INSL6: variants seen among roughly 807,000 people sequenced by gnomAD.
INSL6 encodes the protein insulin like 6, also known as insulin-like peptide INSL6.
Under a neutral mutation model 9.4 loss-of-function variants are expected in INSL6, and 16 were observed. The observed-to-expected ratio is 1.70, with a 90% CI of 1.15 to 2.59. The LOEUF is 2.59. Ranked by LOEUF, INSL6 falls within the 30% of genes most tolerant of loss-of-function variation. INSL6 has a pLI of 0.00. For synonymous variants in INSL6, 154 were observed against 96.9 expected (o/e 1.59, Z -3.46); for missense variants, 391 against 257.3 (o/e 1.52, Z -3.56).
At chr9:5,116,571 C>G in the INSL6 span, among the ~76,000 whole-genome samples, 2 of 152,066 alleles carry the variant, frequency 1.3e-5, no homozygotes, top group Non-Finnish European at 2.9e-5. Context: ...ATAAAATTAG[C>G]TGGCAATCAA....
chr9:5,037,337 C>T, the INSL6 span, among the ~76,000 whole-genome samples: 2 of 152,118 alleles, frequency 1.3e-5, no homozygotes, highest in South Asian at 4.1e-4. Flanking sequence ...TACCATTTGA[C>T]CCAGCCATCC....
At chr9:5,075,952 A>G in the INSL6 span, among the ~76,000 whole-genome samples, 1 of 152,144 alleles carries the variant, frequency 6.6e-6, no homozygotes, top group Non-Finnish European at 1.5e-5. Flanking sequence ...AGGAATTTGG[A>G]AAAAGTTCAT....
At chr9:5,004,186 T>G in the INSL6 span, among the ~76,000 whole-genome samples, 2 of 152,192 alleles carry the variant, frequency 1.3e-5, no homozygotes, top group African/African-American at 2.4e-5. Context: ...ATACGATATA[T>G]TGTTATTGGT....
chr9:5,024,481 T>C, the INSL6 span, among the ~76,000 whole-genome samples: 1 of 152,132 alleles, frequency 6.6e-6, no homozygotes, highest in African/African-American at 2.4e-5. Flanking sequence ...CTTCCCTTCC[T>C]GCTTGTGCTG....
At chr9:5,078,362 A>G in the INSL6 span, 2 of 1,612,766 alleles carry the variant, frequency 1.2e-6, no homozygotes, top group South Asian at 2.2e-5. Context: ...TGCTTATCAG[A>G]GAAGAAGACA....
chr9:5,160,462 A>G (rs1254557988), downstream of INSL6, among the ~76,000 whole-genome samples: 1 of 152,190 alleles, frequency 6.6e-6, no homozygotes, highest in Admixed American at 6.5e-5. Context: ...CTGAGAGAGA[A>G]GAATGTAGCT....
chr9:5,024,940 G>A, the INSL6 span, among the ~76,000 whole-genome samples: 15 of 152,164 alleles, frequency 9.9e-5, no homozygotes, highest in Non-Finnish European at 1.5e-5. Flanking sequence ...TCAAGACTTT[G>A]CTTAACTAGG....
chr9:5,037,361 A>G, the INSL6 span, among the ~76,000 whole-genome samples: 1 of 152,236 alleles, frequency 6.6e-6, no homozygotes, highest in Non-Finnish European at 1.5e-5. Context: ...TACTGGGTAT[A>G]TACCCAAAGG....
chr9:5,088,241 G>A, the INSL6 span, among the ~76,000 whole-genome samples: 1 of 152,056 alleles, frequency 6.6e-6, no homozygotes, highest in African/African-American at 2.4e-5. Flanking sequence ...AGAGTCCTGG[G>A]TCTATCCACC....
chr9:5,107,229 C>T, the INSL6 span, among the ~76,000 whole-genome samples: 1 of 152,086 alleles, frequency 6.6e-6, no homozygotes, highest in African/African-American at 2.4e-5. Flanking sequence ...TATTAAATAA[C>T]CTGACACTAG....
chr9:5,004,270 A>C, the INSL6 span, among the ~76,000 whole-genome samples: 1 of 152,002 alleles, frequency 6.6e-6, no homozygotes, highest in Non-Finnish European at 1.5e-5. Context: ...CCTTTGACCA[A>C]CGTCTCCCAT....
rs181952922 is a variant in INSL6 at position 5,126,137 on chromosome 9, T to C, written c.*11-1626A>G. ...ATTTGTGTTGAGTTTATTACAGCTATGGAAATGGAAATTATAGAAGTTCCA... is the reference window on the plus strand; with the variant it reads ...ATTTGTGTTGAGTTTATTACAGCTACGGAAATGGAAATTATAGAAGTTCCA... On this transcript the variant is annotated intron_variant, in intron 3 of 3. Transcript: ENST00000649639. The C allele has an allele frequency of 1.9e-5, 9 of 476,132 alleles. No homozygotes were observed. The Admixed American group carries it at 2.7e-4, about 14-fold the overall frequency. 29.5% of individuals were successfully genotyped at this position (476,132 alleles called of 1,614,324 possible).
chr9:5,071,114 A>G, the INSL6 span, among the ~76,000 whole-genome samples: 2 of 152,214 alleles, frequency 1.3e-5, no homozygotes, highest in Admixed American at 6.5e-5. Flanking sequence ...GCTTCATTAT[A>G]CTACCTACAT....
At chr9:5,080,705 T>C in the INSL6 span, 52 of 1,505,714 alleles carry the variant, frequency 3.5e-5, no homozygotes, top group East Asian at 2.1e-4. Context: ...AATGATCTTA[T>C]TGATTTTCCA....
At chr9:5,064,905 G>A in the INSL6 span, 1 of 1,587,750 alleles carries the variant, frequency 6.3e-7, no homozygotes. Context: ...AGCTCATTAA[G>A]GGAAGCTTTG....
At chr9:5,058,260 T>A in the INSL6 span, among the ~76,000 whole-genome samples, 1 of 152,170 alleles carries the variant, frequency 6.6e-6, no homozygotes, top group Admixed American at 6.5e-5. Flanking sequence ...CTGGATAATT[T>A]ATTTAAAAAG....
At chr9:5,031,463 C>T in the INSL6 span, among the ~76,000 whole-genome samples, 14,002 of 152,014 alleles carry the variant, frequency 0.092, 1,948 homozygotes, top group African/African-American at 0.31. Flanking sequence ...TTCATATTAA[C>T]GTGGAAGGGA....
At chr9:4,993,097 C>A in the INSL6 span, among the ~76,000 whole-genome samples, 15 of 152,296 alleles carry the variant, frequency 9.8e-5, no homozygotes, top group Non-Finnish European at 2.1e-4. Flanking sequence ...CAAGCTAATA[C>A]AACTCCTTTA....
the INSL6 span, among the ~76,000 whole-genome samples, chr9:5,003,739 T>C: frequency 4.6e-5 from 7 of 152,084 alleles, no homozygotes; most frequent in African/African-American, 1.7e-4. Context: ...TCCACTATGG[T>C]ATTGAATAGA....
Sources: allele counts gnomAD v4.1 joint callset (sites outside exome capture counted in the v4.1 genomes callset), GRCh38; gene constraint gnomAD v4.1.1; transcripts MANE v1.5; gene names NCBI Gene and HGNC (gene_info 2026-07-23, HGNC 2026-07-21).